The following INPP5F variants were observed in gnomAD, a reference collection of about 807,000 sequenced individuals.
INPP5F encodes inositol polyphosphate-5-phosphatase F.
INPP5F carries 97 observed loss-of-function variants against 137.2 expected under a neutral mutation model. The observed-to-expected ratio is 0.71, with a 90% CI of 0.60 to 0.84. The LOEUF is 0.84. Among genes scored for constraint, INPP5F ranks in the 40% least tolerant of loss-of-function variants. INPP5F has a pLI of 0.00. For synonymous variants in INPP5F, 504 were observed against 476.9 expected, an observed-to-expected ratio of 1.06 and a Z score of -0.74; for missense variants, 1,271 against 1,371.9, an observed-to-expected ratio of 0.93 and a Z score of 1.16.
At chr10:119,745,861 T>C (rs1041812783) in intron 1 of INPP5F, among the ~76,000 whole-genome samples, 1 of 151,948 alleles carries the variant, frequency 6.6e-6, no homozygotes, top group Non-Finnish European at 1.5e-5. Flanking sequence ...TGCGCTACCA[T>C]GCCCGGCTAG....
chr10:119,828,002 A>G lies in INPP5F; in HGVS notation c.*222A>G, dbSNP rs906044576. ...TGTAGACCTGAGTAGCTTATACACT[A>G]CAGAGCACTTTGCTTATTTGAAAGT... is the stretch of plus-strand genomic sequence containing the variant. On this transcript the variant is annotated 3_prime_UTR_variant, in exon 20 of 20. Coordinates refer to ENST00000650623, the MANE Select transcript of INPP5F (RefSeq NM_014937.4). 2.3e-6 allele frequency: 1 copy of G among 430,214 alleles called. No individual in the cohort carries two copies. The highest frequency in any genetic ancestry group is 3.2e-5 in the South Asian group (1 of 31,390). The allele number at this position is 430,214 out of a possible 1,614,324, so 26.6% of individuals were successfully genotyped here.
chr10:119,773,745 G>A (rs993775961), intron 2 of INPP5F, among the ~76,000 whole-genome samples: 1 of 151,956 alleles, frequency 6.6e-6, no homozygotes, highest in African/African-American at 2.4e-5. Flanking sequence ...TGTCCCCCAT[G>A]CTGGAGTACA....
At position 119,726,345 on chromosome 10, in the gene INPP5F, T is replaced by A. The variant is rs1211226173; in HGVS notation, c.83T>A (p.Leu28His). Residue 28 changes from leucine to histidine, a missense_variant, in exon 1 of 20, where the codon CTC (leucine) becomes CAC (histidine). Around this residue, in one of 6 missense-constraint regions of INPP5F, gnomAD observed 109 missense variants for 105.1 expected, o/e 1.04. Transcript: ENST00000650623. ...ALWCSRRDGG[L>H]QLRPATDLLL... ...TGGTGCAGCCGCCGCGACGGCGGCC[T>A]CCAGCTCCGACCCGGTGAGGCTGGC... The A allele has an allele frequency of 2.1e-6, 3 of 1,438,542 alleles. No individual in the cohort carries two copies. In the African/African-American group the frequency reaches 4.4e-5, roughly 21 times the overall value. 89.1% of individuals were successfully genotyped at this position (1,438,542 alleles called of 1,614,324 possible).
At chr10:119,747,315 T>C (rs1423304671) in intron 1 of INPP5F, among the ~76,000 whole-genome samples, 1 of 151,664 alleles carries the variant, frequency 6.6e-6, no homozygotes, top group Non-Finnish European at 1.5e-5. Context: ...CCTCCACTCC[T>C]GGTTCAAGCA....
chr10:119,733,918 T>G (rs1848154580), intron 1 of INPP5F, among the ~76,000 whole-genome samples: 1 of 152,226 alleles, frequency 6.6e-6, no homozygotes, highest in African/African-American at 2.4e-5. Flanking sequence ...TTTGTGAAAG[T>G]TGTACTGAAT....
intron 1 of INPP5F, among the ~76,000 whole-genome samples, chr10:119,741,842 AT>A (rs1229608487): frequency 2.7e-5 from 4 of 149,970 alleles, no homozygotes; most frequent in Non-Finnish European, 5.9e-5. Flanking sequence ...GCCATTATTT[AT>A]TTTTTTTGAG....
At chr10:119,785,940 T>C (rs1161305235) in intron 3 of INPP5F, among the ~76,000 whole-genome samples, 1 of 152,212 alleles carries the variant, frequency 6.6e-6, no homozygotes, top group Non-Finnish European at 1.5e-5. Context: ...TTGTTGCTTC[T>C]TTAGAAAAAA....
chr10:119,807,166 G>A (rs576869116), intron 12 of INPP5F, among the ~76,000 whole-genome samples: 3 of 152,208 alleles, frequency 2.0e-5, no homozygotes, highest in South Asian at 4.2e-4. Context: ...CCCGCTACTC[G>A]GGAGGCTAAG....
chr10:119,756,229 A>G (rs1848838328), intron 2 of INPP5F, among the ~76,000 whole-genome samples: 2 of 152,150 alleles, frequency 1.3e-5, no homozygotes, highest in South Asian at 4.1e-4. Flanking sequence ...AAAGATCCTC[A>G]TAGATATCAG....
At chr10:119,816,560 GCT>G (rs1280027592) in intron 15 of INPP5F, 1 of 152,270 alleles carries the variant, frequency 6.6e-6, no homozygotes, top group Non-Finnish European at 1.5e-5. Flanking sequence ...TCCTAGTGGT[GCT>G]CTGTTCCCCT....
At chr10:119,814,155 G>A (rs1386421844) in intron 15 of INPP5F, among the ~76,000 whole-genome samples, 1 of 152,098 alleles carries the variant, frequency 6.6e-6, no homozygotes, top group African/African-American at 2.4e-5. Context: ...ACTTTGGAAG[G>A]CTGAGGCGGG....
chr10:119,801,760 A>G (rs1850603343), intron 9 of INPP5F, among the ~76,000 whole-genome samples: 1 of 152,150 alleles, frequency 6.6e-6, no homozygotes, highest in East Asian at 1.9e-4. Context: ...AAATAAATAA[A>G]ATTAAAAAAT....
intron 3 of INPP5F, among the ~76,000 whole-genome samples, chr10:119,783,703 T>C (rs1021868399): frequency 2.6e-5 from 4 of 152,250 alleles, no homozygotes; most frequent in Admixed American, 6.5e-5. Context: ...TTATTCTTCA[T>C]ACTTTCCCTT....
chr10:119,822,566 C>A, intron 17 of INPP5F, 62 bp downstream of exon 17: 1 of 725,964 alleles, frequency 1.4e-6, no homozygotes, highest in Non-Finnish European at 2.3e-6. Context: ...AAGAGGGGGT[C>A]AAATTATTTA....
chr10:119,805,362 T>C, intron 10 of INPP5F, 22 bp from the exon 11 acceptor site: 2 of 1,590,084 alleles, frequency 1.3e-6, no homozygotes, highest in Non-Finnish European at 8.6e-7. Flanking sequence ...AGATTTTTTC[T>C]TTCTTTTGGC....
At chr10:119,820,657 G>GT (rs1383979400) in intron 15 of INPP5F, among the ~76,000 whole-genome samples, 189 bp from the exon 16 acceptor site, 2 of 152,000 alleles carry the variant, frequency 1.3e-5, no homozygotes, top group Non-Finnish European at 1.5e-5. Flanking sequence ...GCTTTTCCTT[G>GT]TTTTTTAAAG....
At chr10:119,775,333 C>G (rs1849488789) in intron 2 of INPP5F, among the ~76,000 whole-genome samples, 1 of 152,176 alleles carries the variant, frequency 6.6e-6, no homozygotes, top group African/African-American at 2.4e-5. Flanking sequence ...TCATGGCTCA[C>G]TGCAGCCTCG....
At chr10:119,801,363 T>C (rs572026696) in intron 9 of INPP5F, among the ~76,000 whole-genome samples, 27 of 152,344 alleles carry the variant, frequency 1.8e-4, no homozygotes, top group South Asian at 1.7e-3. Context: ...ACATATGACA[T>C]GCATATTTGT....
rs529336153 is a variant in INPP5F, at chr10:119,797,629, G to T, written c.1037G>T (p.Arg346Leu). The change falls in exon 8 of 20, where the codon CGG becomes CTG. Residue 346 changes from arginine (R) to leucine (L), a missense_variant. By Grantham distance (102) the Arg-to-Leu change is moderately radical. Transcript: ENST00000650623. ...QVGYRYNPRP[R>L]LDRSEKETVA... The stretch of plus-strand genomic sequence containing the variant: ...GGGTATCGATATAACCCAAGACCGC[G>T]GCTGGACAGAAGTAAGCAGGTCAAT... The T allele has an allele frequency of 3.4e-5, 54 of 1,609,676 alleles. No individual in the cohort carries two copies. The highest frequency in any genetic ancestry group is 5.3e-5 in the African/African-American group (4 of 74,780).
Sources: allele counts gnomAD v4.1 joint callset (sites outside exome capture counted in the v4.1 genomes callset), GRCh38; gene constraint gnomAD v4.1.1; regional missense constraint gnomAD v4.1.1; transcripts MANE v1.5; gene names NCBI Gene and HGNC (gene_info 2026-07-23, HGNC 2026-07-21).